DUSP4: variants seen among roughly 807,000 people sequenced by gnomAD.
The protein encoded by DUSP4 is dual specificity protein phosphatase 4.
A neutral mutation model predicts 27.2 loss-of-function variants in DUSP4; 12 were observed. That is an observed-to-expected ratio of 0.44 (90% confidence interval 0.28 to 0.71). The LOEUF is 0.71. Ranked by LOEUF, DUSP4 falls within the 30% of genes least tolerant of loss-of-function variation. The probability of loss-of-function intolerance (pLI) is 0.14; values close to 1 mark genes in which losing one functional copy is unlikely to be tolerated. For missense variants in DUSP4, 448 were observed against 551.3 expected (o/e 0.81, Z 1.88); for synonymous variants, 257 against 245.2 (o/e 1.05, Z -0.45).
intron 1 of DUSP4, among the ~76,000 whole-genome samples, chr8:29,346,943 C>T (rs1817745063): frequency 6.6e-6 from 1 of 152,210 alleles, no homozygotes; most frequent in Non-Finnish European, 1.5e-5. Flanking sequence ...CTAACCCCTC[C>T]AAGAATGGCA....
intron 1 of DUSP4, chr8:29,345,251 T>C (rs1348196354): frequency 8.2e-7 from 1 of 1,213,304 alleles, no homozygotes; most frequent in Non-Finnish European, 1.2e-6. Flanking sequence ...TGCAAGAAAG[T>C]CTGGGGTTGT....
rs1376328232 is a variant in DUSP4 at position 29,337,429 on chromosome 8, T to C, written c.800-18A>G. On this transcript the variant is annotated intron_variant, in intron 3 of 3. Coordinates refer to ENST00000240100, the MANE Select transcript of DUSP4 (RefSeq NM_001394.7). This position sits in a 1 kb window ranked among gnomAD's most constrained non-coding sequence, Gnocchi z 6.4. ...CACGGCATCTGGGGACAGGGTTCAA[T>C]AGGTTAGTGCACGTTTCTGCAGACC... The C allele has an allele frequency of 3.6e-5, 57 of 1,587,282 alleles. No homozygotes were observed. The highest frequency in any genetic ancestry group is 4.7e-5 in the Non-Finnish European group (55 of 1,170,864).
At position 29,337,386 on chromosome 8, in the gene DUSP4, G is replaced by T. The variant is rs758412658; in HGVS notation, c.825C>A (p.Arg275=). The T allele has an allele frequency of 1.9e-6, 3 of 1,607,872 alleles. No individual in the cohort carries two copies. The highest frequency in any genetic ancestry group is 1.3e-5 in the African/African-American group (1 of 74,930). The change falls in exon 4 of 4, where the codon CGC becomes CGA. Residue 275 remains arginine (R), a synonymous_variant. Coordinates refer to ENST00000240100, the MANE Select transcript of DUSP4 (RefSeq NM_001394.7). This position sits in a 1 kb window ranked among gnomAD's most constrained non-coding sequence, Gnocchi z 6.4. ...YIDAVKDCRG[R]VLVHCQAGIS... The stretch of plus-strand genomic sequence containing the variant: ...TGCCCGCCTGGCAGTGCACCAGCAC[G>T]CGCCCACGGCAGTCCTTCACGGCAT...
intron 3 of DUSP4, 69 bp downstream of exon 3, chr8:29,338,213 G>A: frequency 6.6e-7 from 1 of 1,526,682 alleles, no homozygotes; most frequent in Non-Finnish European, 9.1e-7. Flanking sequence ...TTCAACCCAG[G>A]CTTACAGGGG....
At position 29,350,580 on chromosome 8, in the gene DUSP4, G is replaced by A. The variant is rs1817809231; in HGVS notation, c.-302C>T. 2.8e-6 allele frequency: 1 copy of A among 357,126 alleles called. No homozygotes were observed. Among genetic ancestry groups the A allele is most frequent in the Admixed American group, 4.7e-5 (1 of 21,462 alleles). 22.1% of individuals were successfully genotyped at this position (357,126 alleles called of 1,614,324 possible). On this transcript the variant is annotated 5_prime_UTR_variant, in exon 1 of 4. Coordinates refer to ENST00000240100, the MANE Select transcript of DUSP4 (RefSeq NM_001394.7). The stretch of plus-strand genomic sequence containing the variant: ...GAGAGGACCGCGGACTCTTTTCGGC[G>A]ACGGCCTCCCGTGTATTTTTGCCGG...
chr8:29,340,086 C>G lies in DUSP4; in HGVS notation c.579+12G>C. 1.9e-6 allele frequency: 3 copies of G among 1,556,978 alleles called. No homozygotes were observed. The highest frequency in any genetic ancestry group is 2.6e-6 in the Non-Finnish European group (3 of 1,150,396). On this transcript the variant is annotated intron_variant, in intron 2 of 3. Transcript: ENST00000240100. ...CTGCCCCCCACTTCCAAGCCCTGCCCCCCGAGTCTACCTGGTCGTGTAGTG... is the reference window on the plus strand; with the variant it reads ...CTGCCCCCCACTTCCAAGCCCTGCCGCCCGAGTCTACCTGGTCGTGTAGTG...
chr8:29,349,405 C>G (rs1310293042), intron 1 of DUSP4, among the ~76,000 whole-genome samples: 1 of 152,152 alleles, frequency 6.6e-6, no homozygotes, highest in Non-Finnish European at 1.5e-5. Flanking sequence ...GCGCCCACCC[C>G]TCTTCACCTT....
At position 29,335,879 on chromosome 8, in the gene DUSP4, A is replaced by G. The variant is rs1249535910; in HGVS notation, c.*1147T>C. ...AAAATGCTGCAACCACCCAGTGATC[A>G]TCGGAGGGAAAAAAGCTTGACTTAC... On this transcript the variant is annotated 3_prime_UTR_variant, in exon 4 of 4. Transcript: ENST00000240100. 1 of 152,240 alleles carries G rather than the reference A, an allele frequency of 6.6e-6. No homozygotes were observed. The highest frequency in any genetic ancestry group is 6.5e-5 in the Admixed American group (1 of 15,284). 9.4% of individuals were successfully genotyped at this position (152,240 alleles called of 1,614,324 possible).
intron 1 of DUSP4, chr8:29,348,594 G>T: frequency 1.1e-5 from 11 of 985,536 alleles, no homozygotes; most frequent in Non-Finnish European, 1.3e-5. Context: ...AAAGCCCCCC[G>T]CTGTCCGGCA....
At chr8:29,346,937 C>T (rs1025825943) in intron 1 of DUSP4, among the ~76,000 whole-genome samples, 1 of 152,210 alleles carries the variant, frequency 6.6e-6, no homozygotes, top group South Asian at 2.1e-4. Flanking sequence ...CTTCTCCTAA[C>T]CCCTCCAAGA....
chr8:29,338,600 C>A, intron 2 of DUSP4, 99 bp from the exon 3 acceptor site: 1 of 1,363,790 alleles, frequency 7.3e-7, no homozygotes, highest in Non-Finnish European at 1.0e-6. Context: ...CCTTTCCAAA[C>A]CCAGGGAGAA....
At chr8:29,341,538 GATAT>G (rs1320682595) in intron 1 of DUSP4, among the ~76,000 whole-genome samples, 2 of 152,104 alleles carry the variant, frequency 1.3e-5, no homozygotes, top group Non-Finnish European at 2.9e-5. Context: ...CCTCCCTCAG[GATAT>G]AAATGGATCT....
At chr8:29,339,343 C>T (rs1817622454) in intron 2 of DUSP4, among the ~76,000 whole-genome samples, 1 of 152,286 alleles carries the variant, frequency 6.6e-6, no homozygotes, top group Non-Finnish European at 1.5e-5. Context: ...ATAAGAAACA[C>T]AGTGGCTCAA....
Position 29,334,062 on chromosome 8 carries a change from A to C in DUSP4, c.*2964T>G, listed in dbSNP as rs1385071537. 1 of 152,186 alleles carries C rather than the reference A, an allele frequency of 6.6e-6. No homozygotes were observed. Among genetic ancestry groups the C allele is most frequent in the Non-Finnish European group, 1.5e-5 (1 of 68,054 alleles). The allele number at this position is 152,186 out of a possible 1,614,324, so 9.4% of individuals were successfully genotyped here. On this transcript the variant is annotated 3_prime_UTR_variant, in exon 4 of 4. Coordinates refer to ENST00000240100, the MANE Select transcript of DUSP4 (RefSeq NM_001394.7). ...TCAGCCTAATACTGCTCTGTGGGAA[A>C]ACTTGGTCCATTTCCCCCAGGGCTC... is the stretch of plus-strand genomic sequence containing the variant.
intron 1 of DUSP4, chr8:29,348,844 G>A (rs1010418112): frequency 1.0e-5 from 10 of 968,032 alleles, no homozygotes; most frequent in African/African-American, 3.5e-5. Flanking sequence ...CCGCGCGGAA[G>A]AATGCGCGGA....
rs575352616 is a variant in DUSP4 at position 29,347,815 on chromosome 8, C to G, written c.433+2031G>C. ...CCTAGAGGCCTGTACTACCCAGTCA[C>G]TAGCCTCGCCCAGAATCTCCAGGGC... On this transcript the variant is annotated intron_variant, in intron 1 of 3. Transcript: ENST00000240100. 1.1e-4 allele frequency: 109 copies of G among 985,600 alleles called. 1 individual carries two copies. The South Asian group carries it at 4.1e-3, about 37-fold the overall frequency. The allele number at this position is 985,600 out of a possible 1,614,324, so 61.1% of individuals were successfully genotyped here.
Position 29,337,147 on chromosome 8 carries a change from T to C in DUSP4, c.1064A>G (p.Lys355Arg). 1.2e-6 allele frequency: 2 copies of C among 1,611,118 alleles called. No individual in the cohort carries two copies. Among genetic ancestry groups the C allele is most frequent in the Non-Finnish European group, 8.5e-7 (1 of 1,178,814 alleles). Residue 355 changes from lysine to arginine, a missense_variant, in exon 4 of 4, where the codon AAG (lysine) becomes AGG (arginine). Physicochemically the swap from Lys to Arg is conservative, Grantham distance 26. Around this residue, in one of 3 missense-constraint regions of DUSP4, gnomAD observed 100 missense variants for 139.8 expected, o/e 0.72. Transcript: ENST00000240100. This position sits in a 1 kb window ranked among gnomAD's most constrained non-coding sequence, Gnocchi z 6.4. ...CTGCGAGGTGGGGGTGGCGGGGGTC[T>C]TGCCCCGCTCCCGCAGGGGTCCCGA... ...SPSGPLRERG[K>R]TPATPTSQFV...
chr8:29,334,099 C>A lies in DUSP4; in HGVS notation c.*2927G>T, dbSNP rs1387106871. On this transcript the variant is annotated 3_prime_UTR_variant, in exon 4 of 4. Coordinates refer to ENST00000240100, the MANE Select transcript of DUSP4 (RefSeq NM_001394.7). ...TTCCCCCAGGGCTCCTCAACACACA[C>A]CCCTGGGTCAGACGTTCTGGGAGGG... The A allele has an allele frequency of 6.6e-6, 1 of 152,260 alleles. No homozygotes were observed. Among genetic ancestry groups the A allele is most frequent in the African/African-American group, 2.4e-5 (1 of 41,452 alleles). 9.4% of individuals were successfully genotyped at this position (152,260 alleles called of 1,614,324 possible). A position where few individuals can be genotyped will look rare whatever the true frequency, so the allele number is the denominator to read the frequency against.
At chr8:29,348,049 G>A in intron 1 of DUSP4, 5 of 985,604 alleles carry the variant, frequency 5.1e-6, no homozygotes, top group Non-Finnish European at 6.0e-6. Context: ...GGTCCCCTCG[G>A]GATTTCTTCC....
Sources: gnomAD v4.1 joint callset for allele counts (sites outside exome capture counted in the v4.1 genomes callset) on GRCh38, gnomAD v4.1.1 for gene constraint, gnomAD v4.1.1 regional missense constraint, Gnocchi (gnomAD v3.1) non-coding constraint, MANE v1.5 for transcripts, NCBI Gene and HGNC (gene_info 2026-07-23, HGNC 2026-07-21) for gene names.